TANC1: variants seen among roughly 807,000 people sequenced by gnomAD.
TANC1 encodes the protein protein TANC1.
A neutral mutation model predicts 149.7 loss-of-function variants in TANC1; 77 were observed. That is an observed-to-expected ratio of 0.51 (90% CI 0.43 to 0.62). The LOEUF (loss-of-function observed/expected upper bound fraction) is 0.62. Among genes scored for constraint, TANC1 ranks in the 20% least tolerant of loss-of-function variants. The pLI, the probability that TANC1 is intolerant of heterozygous loss-of-function variation, is 0.00. For missense variants in TANC1, 1,985 were observed against 2,321.8 expected (o/e 0.85, Z 2.98); for synonymous variants, 854 against 925.0 (o/e 0.92, Z 1.39).
intron 19 of TANC1, among the ~76,000 whole-genome samples, chr2:159,212,726 T>A (rs750058241): frequency 1.3e-5 from 2 of 151,940 alleles, no homozygotes; most frequent in Admixed American, 6.6e-5. Flanking sequence ...TTGGAGACCA[T>A]CCTGGCCAAC....
chr2:159,093,830 C>T (rs1415402893), intron 3 of TANC1, among the ~76,000 whole-genome samples: 1 of 151,958 alleles, frequency 6.6e-6, no homozygotes, highest in Non-Finnish European at 1.5e-5. Context: ...TGAAGGTCCT[C>T]ATGCTTACAG....
chr2:159,035,188 G>A (rs1280495332), intron 2 of TANC1, among the ~76,000 whole-genome samples: 1 of 152,164 alleles, frequency 6.6e-6, no homozygotes, highest in African/African-American at 2.4e-5. Context: ...GAGGTAAACT[G>A]TAATAATTCT....
chr2:159,201,371 G>A (rs1469138132), intron 19 of TANC1, among the ~76,000 whole-genome samples: 1 of 152,314 alleles, frequency 6.6e-6, no homozygotes, highest in African/African-American at 2.4e-5. Flanking sequence ...CTAAATGTGG[G>A]AATGAAGGCA....
At chr2:159,164,696 T>C (rs560867792) in intron 8 of TANC1, among the ~76,000 whole-genome samples, 107 of 152,356 alleles carry the variant, frequency 7.0e-4, no homozygotes, top group African/African-American at 2.4e-3. Context: ...AGAGAATTTC[T>C]CTGTGATTTA....
rs78722722 is a variant in TANC1 at position 158,995,355 on chromosome 2, G to C, written c.-125-5725G>C. On this transcript the variant is annotated intron_variant, in intron 1 of 26. Transcript: ENST00000263635. ...TTACCATGTGTTTGTGTTATTCTCTGGTAAAAGGCACTTTTTATACCAGTG... is the reference window on the plus strand; with the variant it reads ...TTACCATGTGTTTGTGTTATTCTCTCGTAAAAGGCACTTTTTATACCAGTG... 6.0e-4 allele frequency among the ~76,000 whole-genome samples: 92 copies of C among 152,206 alleles called. 2 individuals carry two copies. The East Asian group carries it at 0.012, about 19-fold the overall frequency.
chr2:159,230,718 T>C lies in TANC1; in HGVS notation c.5292T>C (p.Ser1764=), dbSNP rs1358510373. The C allele has an allele frequency of 6.2e-7, 1 of 1,614,200 alleles. No homozygotes were observed. Among genetic ancestry groups the C allele is most frequent in the South Asian group, 1.1e-5 (1 of 91,082 alleles). Residue 1764 remains serine, a synonymous_variant, in exon 27 of 27, where the codon TCT becomes TCC. Transcript: ENST00000263635. This position sits in a 1 kb window ranked among gnomAD's most constrained non-coding sequence, Gnocchi z 4.4. ...TNTSSAAGLQ[S]ANTEKPSLMQ... ...CGTCTTCTGCAGCTGGCCTGCAGTCTGCTAACACTGAGAAGCCCTCTCTCA... is the reference window on the plus strand; with the variant it reads ...CGTCTTCTGCAGCTGGCCTGCAGTCCGCTAACACTGAGAAGCCCTCTCTCA...
chr2:159,190,236 A>G (rs1324438081), intron 16 of TANC1, among the ~76,000 whole-genome samples: 1 of 152,180 alleles, frequency 6.6e-6, no homozygotes, highest in Non-Finnish European at 1.5e-5. Flanking sequence ...AACTCACACC[A>G]CTTAATCCTT....
chr2:159,141,787 G>A (rs2051399680), intron 5 of TANC1, among the ~76,000 whole-genome samples: 1 of 152,100 alleles, frequency 6.6e-6, no homozygotes, highest in Non-Finnish European at 1.5e-5. Flanking sequence ...TTATGAGCTG[G>A]GACTAAGGTG....
At chr2:159,041,928 C>T (rs1005291187) in intron 2 of TANC1, among the ~76,000 whole-genome samples, 1 of 152,186 alleles carries the variant, frequency 6.6e-6, no homozygotes, top group South Asian at 2.1e-4. Context: ...AACCCTACCC[C>T]ATGTTCGAGT....
chr2:158,977,254 C>G (rs2033794833), intron 1 of TANC1, among the ~76,000 whole-genome samples: 1 of 152,112 alleles, frequency 6.6e-6, no homozygotes, highest in Non-Finnish European at 1.5e-5. Context: ...ATCCTGTCCC[C>G]TCAGACTCCC....
intron 3 of TANC1, among the ~76,000 whole-genome samples, chr2:159,095,460 C>G (rs1404127645): frequency 6.6e-6 from 1 of 152,058 alleles, no homozygotes; most frequent in Non-Finnish European, 1.5e-5. Context: ...ATGTGCTGGC[C>G]AGGCGCTGTG....
intron 16 of TANC1, among the ~76,000 whole-genome samples, chr2:159,193,726 G>A (rs1339283338): frequency 6.6e-6 from 1 of 152,134 alleles, no homozygotes; most frequent in Admixed American, 6.5e-5. Context: ...GTTTCACCAT[G>A]TTGGCCAGAT....
chr2:159,033,763 C>G (rs1388534879), intron 2 of TANC1, among the ~76,000 whole-genome samples: 1 of 152,178 alleles, frequency 6.6e-6, no homozygotes, highest in South Asian at 2.1e-4. Context: ...CTTATCCAGC[C>G]TCTGTCACAT....
Position 159,022,875 on chromosome 2 carries a change from A to G in TANC1, c.-16+21686A>G, listed in dbSNP as rs573584822. 3.3e-5 allele frequency among the ~76,000 whole-genome samples: 5 copies of G among 152,306 alleles called. No homozygotes were observed. In the East Asian group the frequency reaches 9.6e-4, roughly 29 times the overall value. ...CCTAAGATCTCTTGGCAGGACAACA[A>G]CTGGGTTTTTGATGACTTTGGGCTA... On this transcript the variant is annotated intron_variant, in intron 2 of 26. Transcript: ENST00000263635.
intron 2 of TANC1, among the ~76,000 whole-genome samples, chr2:159,016,784 C>T (rs1439009875): frequency 6.6e-6 from 1 of 151,962 alleles, no homozygotes; most frequent in Non-Finnish European, 1.5e-5. Flanking sequence ...CTGTGTTAGC[C>T]AGGATGGTCT....
Position 159,227,847 on chromosome 2 carries a change from G to A in TANC1, c.3932G>A (p.Arg1311Lys), listed in dbSNP as rs1223556965. ...GGGAAAATGAAAGAGGCAGCCCAGA[G>A]GTACCAGTATGCCTTAAGAAAGTTT... ...KKGKMKEAAQ[R>K]YQYALRKFPR... Residue 1311 changes from arginine (R) to lysine (K), a missense_variant, in exon 25 of 27, where the codon AGG becomes AAG. Transcript: ENST00000263635. 8 of 1,614,130 alleles carry A rather than the reference G, an allele frequency of 5.0e-6. No homozygotes were observed. The highest frequency in any genetic ancestry group is 6.8e-6 in the Non-Finnish European group (8 of 1,180,004).
chr2:159,019,653 G>GTTTTTTTTTTTTTTTTTTTTTTTTTTT (rs55746240), intron 2 of TANC1, among the ~76,000 whole-genome samples: 1 of 73,304 alleles, frequency 1.4e-5, no homozygotes, highest in African/African-American at 5.7e-5. Flanking sequence ...CTTTCTTTCT[G>GTTTTTTTTTTTTTTTTTTTTTTTTTTT]TTTTTTTTTT....
chr2:159,197,290 A>C (rs2057928240), intron 18 of TANC1, among the ~76,000 whole-genome samples: 1 of 152,196 alleles, frequency 6.6e-6, no homozygotes, highest in African/African-American at 2.4e-5. Flanking sequence ...GCAGTAGTTA[A>C]ATAGAGCATT....
At chr2:159,005,065 A>G (rs1316234678) in intron 2 of TANC1, among the ~76,000 whole-genome samples, 1 of 152,224 alleles carries the variant, frequency 6.6e-6, no homozygotes, top group Non-Finnish European at 1.5e-5. Flanking sequence ...CAGATCACTC[A>G]TGCTATTGTT....
Sources: gnomAD v4.1 joint callset for allele counts (sites outside exome capture counted in the v4.1 genomes callset) on GRCh38, gnomAD v4.1.1 for gene constraint, Gnocchi (gnomAD v3.1) non-coding constraint, MANE v1.5 for transcripts, NCBI Gene and HGNC (gene_info 2026-07-23, HGNC 2026-07-21) for gene names.